C9orf72: variants seen among roughly 807,000 people sequenced by gnomAD.
C9orf72 encodes guanine nucleotide exchange factor C9orf72.
In C9orf72, 44 loss-of-function variants were observed where a neutral mutation model predicts 51.6. That is an observed-to-expected ratio of 0.85 (90% CI 0.67 to 1.10). The LOEUF (loss-of-function observed/expected upper bound fraction) is 1.10, where lower values mean the gene tolerates loss of function less well. C9orf72 is among the 50% of genes least tolerant of loss of function. The pLI, the probability that C9orf72 is intolerant of heterozygous loss-of-function variation, is 0.00. For missense variants in C9orf72, 607 were observed against 570.6 expected (o/e 1.06, Z -0.65); for synonymous variants, 213 against 194.2 (o/e 1.10, Z -0.81).
chr9:27,558,581 C>T lies in C9orf72; in HGVS notation c.765G>A (p.Leu255=), dbSNP rs758724401. The stretch of plus-strand genomic sequence containing the variant: ...TGGAGCATTTTCTCTCTGCTGGAGT[C>T]AGAAAAAGGCATAATGTTCTGACTA... ...NKIVRTLCLF[L]TPAERKCSRL... is the part of the protein sequence containing the mutation. Residue 255 remains leucine (L), a synonymous_variant, in exon 7 of 11, where the codon CTG becomes CTA. Coordinates refer to ENST00000380003, the MANE Select transcript of C9orf72 (RefSeq NM_018325.5). 4.3e-5 allele frequency: 69 copies of T among 1,595,946 alleles called. No individual in the cohort carries two copies. The South Asian group carries it at 7.7e-4, about 18-fold the overall frequency.
intron 9 of C9orf72, 72 bp downstream of exon 9, chr9:27,550,578 G>T (rs1382988228): frequency 3.3e-6 from 3 of 896,368 alleles, no homozygotes; most frequent in African/African-American, 1.7e-5. Flanking sequence ...TATAGAACAG[G>T]CATTGTAGGA....
At chr9:27,558,890 T>A (rs185987075) in intron 6 of C9orf72, 13 of 244,654 alleles carry the variant, frequency 5.3e-5, no homozygotes, top group Admixed American at 1.1e-4. Flanking sequence ...TTATATCATC[T>A]GCAGACTTTC....
Position 27,547,599 on chromosome 9 carries a change from T to C in C9orf72, c.*637A>G, listed in dbSNP as rs531994987. 1 of 152,598 alleles carries C rather than the reference T, an allele frequency of 6.6e-6. No homozygotes were observed. The highest frequency in any genetic ancestry group is 1.5e-5 in the Non-Finnish European group (1 of 68,036). The allele number at this position is 152,598 out of a possible 1,614,324, so 9.5% of individuals were successfully genotyped here. On this transcript the variant is annotated 3_prime_UTR_variant, in exon 11 of 11. Coordinates refer to ENST00000380003, the MANE Select transcript of C9orf72 (RefSeq NM_018325.5). Reference sequence around the variant, plus strand: ...AATAAAATAAACAAAACACCCTAACTGTGGTTCACCAGGAACAAGGACTAT... The same window carrying C: ...AATAAAATAAACAAAACACCCTAACCGTGGTTCACCAGGAACAAGGACTAT...
At chr9:27,561,439 C>T (rs1819343823) in intron 5 of C9orf72, 146 bp downstream of exon 5, 1 of 1,391,662 alleles carries the variant, frequency 7.2e-7, no homozygotes, top group Non-Finnish European at 9.3e-7. Flanking sequence ...AAAAATAACA[C>T]AAATTTAAGC....
In C9orf72 at chr9:27,548,435, G is replaced by GGA. The variant is rs1820822674; in HGVS notation, c.1260-14_1260-13insTC. On this transcript the variant is annotated splice_polypyrimidine_tract_variant and intron_variant, in intron 10 of 10. Transcript: ENST00000380003. ...TTTTCCCTTCTGCCTAAAAATAATG[G>GGA]AAAAAAAAAAAAAAAAAAAAAAAAA... The GGA allele has an allele frequency of 6.9e-5, 12 of 174,270 alleles. No homozygotes were observed. Among genetic ancestry groups the GGA allele is most frequent in the African/African-American group, 9.0e-5 (1 of 11,110 alleles). 10.8% of individuals were successfully genotyped at this position (174,270 alleles called of 1,614,324 possible).
At position 27,556,548 on chromosome 9, in the gene C9orf72, G is replaced by A; in HGVS notation, c.1091+13C>T. On this transcript the variant is annotated intron_variant, in intron 8 of 10. Transcript: ENST00000380003. ...TGCTTGACTACAGTACCAGCAGGCA[G>A]AGCATTACGTACAAATCAGGAGTAA... 1 of 1,532,104 alleles carries A rather than the reference G, an allele frequency of 6.5e-7. No homozygotes were observed. The allele number at this position is 1,532,104 out of a possible 1,614,324, so 94.9% of individuals were successfully genotyped here.
At chr9:27,556,920 A>G in intron 7 of C9orf72, 124 bp from the exon 8 acceptor site, 2 of 667,500 alleles carry the variant, frequency 3.0e-6, no homozygotes, top group Non-Finnish European at 5.1e-6. Flanking sequence ...CTAAGAAGCT[A>G]TTCATGAGTG....
In C9orf72 at chr9:27,561,606, C is replaced by T. The variant is rs759114309; in HGVS notation, c.644G>A (p.Cys215Tyr). The part of the protein sequence containing the change: ...VLNDDDIGDS[C>Y]HEGFLLNAIS... The stretch of plus-strand genomic sequence containing the variant: ...TTACTTGAGAAGAAAGCCTTCATGA[C>T]AGCTGTCACCAATATCATCATCATT... The change falls in exon 5 of 11, where the codon TGT (cysteine) becomes TAT (tyrosine). Residue 215 changes from cysteine to tyrosine, a missense_variant. Cys to Tyr is a radical substitution (Grantham distance 194). Transcript: ENST00000380003. 2 of 1,612,088 alleles carry T rather than the reference C, an allele frequency of 1.2e-6. No homozygotes were observed. The highest frequency in any genetic ancestry group is 2.7e-5 in the African/African-American group (2 of 74,802).
At chr9:27,555,558 ATT>A (rs35184194) in intron 8 of C9orf72, among the ~76,000 whole-genome samples, 26,500 of 135,722 alleles carry the variant, frequency 0.2, 2,639 homozygotes, top group East Asian at 0.33. Context: ...TATTGCAAGC[ATT>A]TTTTTTTTTT....
In C9orf72 at chr9:27,556,800, T is replaced by A. The variant is rs760753377; in HGVS notation, c.856-4A>T. The A allele has an allele frequency of 8.8e-6, 14 of 1,599,552 alleles. No homozygotes were observed. The East Asian group carries it at 2.7e-4, about 31-fold the overall frequency. Reference sequence around the variant, plus strand: ...GCACAAAGCTTCCAGTTGAATCCTGTCAAAATAAAAGGAAAATTTACTGTC... The same window carrying A: ...GCACAAAGCTTCCAGTTGAATCCTGACAAAATAAAAGGAAAATTTACTGTC... On this transcript the variant is annotated splice_polypyrimidine_tract_variant and splice_region_variant and intron_variant, in intron 7 of 10. Coordinates refer to ENST00000380003, the MANE Select transcript of C9orf72 (RefSeq NM_018325.5).
At chr9:27,562,832 G>A (rs1426505198) in intron 3 of C9orf72, among the ~76,000 whole-genome samples, 1 of 151,822 alleles carries the variant, frequency 6.6e-6, no homozygotes, top group African/African-American at 2.4e-5. Flanking sequence ...CACCATGCCC[G>A]GCTGATTTTT....
chr9:27,564,292 G>A (rs897735090), intron 3 of C9orf72, among the ~76,000 whole-genome samples: 1 of 151,550 alleles, frequency 6.6e-6, no homozygotes, highest in Non-Finnish European at 1.5e-5. Flanking sequence ...TTTTTAAGAA[G>A]AGCACTTAAA....
chr9:27,556,317 A>G lies in C9orf72; in HGVS notation c.1091+244T>C, dbSNP rs939591902. 13 of 559,604 alleles carry G rather than the reference A, an allele frequency of 2.3e-5. No homozygotes were observed. The African/African-American group carries it at 2.4e-4, about 10-fold the overall frequency. The allele number at this position is 559,604 out of a possible 1,614,324, so 34.7% of individuals were successfully genotyped here. A position where few individuals can be genotyped will look rare whatever the true frequency, so the allele number is the denominator to read the frequency against. On this transcript the variant is annotated intron_variant, in intron 8 of 10. Transcript: ENST00000380003. Reference sequence around the variant, plus strand: ...AACAGTGCCTAGGAGCTCAATATATATTTATTAAACAAATAGTTAAATATT... The same window carrying G: ...AACAGTGCCTAGGAGCTCAATATATGTTTATTAAACAAATAGTTAAATATT...
At chr9:27,572,153 G>A (rs1819600253) in intron 1 of C9orf72, among the ~76,000 whole-genome samples, 1 of 152,166 alleles carries the variant, frequency 6.6e-6, no homozygotes, top group African/African-American at 2.4e-5. Flanking sequence ...ACTTCATAAG[G>A]TGCTTGTAAT....
chr9:27,566,756 C>T lies in C9orf72; in HGVS notation c.365G>A (p.Ser122Asn). 4.3e-6 allele frequency: 7 copies of T among 1,613,822 alleles called. 1 individual carries two copies. Among genetic ancestry groups the T allele is most frequent in the Non-Finnish European group, 5.9e-6 (7 of 1,179,794 alleles). Residue 122 changes from serine to asparagine, a missense_variant, in exon 2 of 11, where the codon AGT becomes AAT. By Grantham distance (46) the Ser-to-Asn change is conservative. Transcript: ENST00000380003. ...CACTCTATGAAGTGGGAGGTAGAAA[C>T]TAAGTTCTGTCTGTGGAAGTATAAT... Reference protein sequence around the residue: ...LSIILPQTELSFYLPLHRVCV... With the variant: ...LSIILPQTELNFYLPLHRVCV...
At position 27,562,446 on chromosome 9, in the gene C9orf72, C is replaced by T. The variant is rs777179184; in HGVS notation, c.535G>A (p.Glu179Lys). 3.8e-6 allele frequency: 6 copies of T among 1,592,690 alleles called. No homozygotes were observed. The highest frequency in any genetic ancestry group is 5.1e-6 in the Non-Finnish European group (6 of 1,168,172). ...GQSIIPMLTG[E>K]VIPVMELLSS... is the part of the protein sequence containing the mutation. Reference sequence around the variant, plus strand: ...AGCAGTTCCATTACAGGAATCACTTCTCCAGTAAGCATTGGAATAATACTC... The same window carrying T: ...AGCAGTTCCATTACAGGAATCACTTTTCCAGTAAGCATTGGAATAATACTC... The change falls in exon 4 of 11, where the codon GAA becomes AAA. Residue 179 changes from glutamate to lysine, a missense_variant. By Grantham distance (56) the Glu-to-Lys change is moderately conservative. Transcript: ENST00000380003.
intron 3 of C9orf72, among the ~76,000 whole-genome samples, chr9:27,564,598 A>C (rs1007165830): frequency 1.3e-5 from 2 of 152,164 alleles, no homozygotes; most frequent in Non-Finnish European, 2.9e-5. Flanking sequence ...TTGGAAAGCT[A>C]TCTACAAAAG....
rs1326519096 is a variant in C9orf72, at chr9:27,548,626, A to C, written c.1190T>G (p.Phe397Cys). The part of the protein sequence containing the change: ...LKPGLSLRST[F>C]LAQFLLVLHR... Reference sequence around the variant, plus strand: ...AAGGACAAGTAGAAACTGTGCAAGGAAAGTACTTCTGAGAGATAAGCCAGG... The same window carrying C: ...AAGGACAAGTAGAAACTGTGCAAGGCAAGTACTTCTGAGAGATAAGCCAGG... Residue 397 changes from phenylalanine to cysteine, a missense_variant, in exon 10 of 11, where the codon TTC becomes TGC. By Grantham distance (205) the Phe-to-Cys change is radical. Coordinates refer to ENST00000380003, the MANE Select transcript of C9orf72 (RefSeq NM_018325.5). 1.9e-6 allele frequency: 3 copies of C among 1,612,596 alleles called. No individual in the cohort carries two copies. The highest frequency in any genetic ancestry group is 1.7e-5 in the Admixed American group (1 of 59,988).
intron 9 of C9orf72, among the ~76,000 whole-genome samples, chr9:27,549,089 A>G (rs1308869366): frequency 6.6e-6 from 1 of 152,120 alleles, no homozygotes; most frequent in East Asian, 1.9e-4. Flanking sequence ...TGATCCACCC[A>G]CCTCGGACTC....
Sources: allele counts gnomAD v4.1 joint callset (sites outside exome capture counted in the v4.1 genomes callset), GRCh38; gene constraint gnomAD v4.1.1; transcripts MANE v1.5; gene names NCBI Gene and HGNC (gene_info 2026-07-23, HGNC 2026-07-21).